The following MATR3 variants were observed in gnomAD, a reference collection of about 807,000 sequenced individuals.
MATR3 encodes matrin-3.
In MATR3, 4 loss-of-function variants were observed where a neutral mutation model predicts 85.5. That is an observed-to-expected ratio of 0.05 (90% CI 0.02 to 0.11). MATR3 has a LOEUF of 0.11. Among genes scored for constraint, MATR3 ranks in the 10% least tolerant of loss-of-function variants. MATR3 has a pLI of 1.00. For missense variants in MATR3, 685 were observed against 1,016.1 expected (o/e 0.67, Z 4.43); for synonymous variants, 336 against 343.1 (o/e 0.98, Z 0.23).
At chr5:139,322,094 CT>C in intron 10 of MATR3, 65 bp downstream of exon 10, 1 of 1,536,096 alleles carries the variant, frequency 6.5e-7, no homozygotes, top group African/African-American at 1.4e-5. Context: ...CCACAACATT[CT>C]TTTAAACATT....
intron 4 of MATR3, 156 bp from the exon 5 acceptor site, chr5:139,315,920 T>C (rs1051538790): frequency 1.3e-5 from 10 of 758,780 alleles, no homozygotes; most frequent in Admixed American, 6.9e-5. Context: ...TTGTATTCTT[T>C]TATTGTTAAT....
At chr5:139,274,356 C>T (rs553647308) in intron 1 of MATR3, 19 of 331,422 alleles carry the variant, frequency 5.7e-5, no homozygotes, top group South Asian at 4.7e-4. Flanking sequence ...CTTCCCTCTT[C>T]TCCCTAGGGA....
chr5:139,320,034 C>T (rs1295499692), intron 9 of MATR3, among the ~76,000 whole-genome samples: 3 of 145,916 alleles, frequency 2.1e-5, no homozygotes, highest in Non-Finnish European at 4.5e-5. Flanking sequence ...GTTAGCCAGT[C>T]GCAGTGGCTC....
chr5:139,319,219 C>T (rs1358067204), intron 8 of MATR3, 115 bp from the exon 9 acceptor site: 1 of 1,320,724 alleles, frequency 7.6e-7, no homozygotes, highest in African/African-American at 1.5e-5. Context: ...GCCTGGGCAA[C>T]ATAGCAAGAC....
Position 139,308,067 on chromosome 5 carries a change from G to C in MATR3, c.652G>C (p.Asp218His). Residue 218 changes from aspartate to histidine, a missense_variant, in exon 2 of 15, where the codon GAT becomes CAT. Physicochemically the swap from Asp to His is moderately conservative, Grantham distance 81. This residue lies in a region of MATR3 where 223 missense variants were observed against 334.4 expected (regional missense o/e 0.67). Transcript: ENST00000394805. ...AGAATCTGGTTATTATGACAGAATG[G>C]ATTATGAAGATGACAGATTAAGAGA... ...SQESGYYDRM[D>H]YEDDRLRDGE... The C allele has an allele frequency of 1.2e-6, 2 of 1,614,130 alleles. No individual in the cohort carries two copies. The highest frequency in any genetic ancestry group is 1.7e-6 in the Non-Finnish European group (2 of 1,180,016).
chr5:139,290,256 A>T (rs966261790), upstream of MATR3, among the ~76,000 whole-genome samples: 1 of 151,046 alleles, frequency 6.6e-6, no homozygotes, highest in Non-Finnish European at 1.5e-5. Context: ...GCTCACTGCA[A>T]CCTCAGCCTC....
Position 139,322,849 on chromosome 5 carries a change from A to G in MATR3, c.2030A>G (p.Asp677Gly), listed in dbSNP as rs1755646718. 6.2e-7 allele frequency: 1 copy of G among 1,614,214 alleles called. No individual in the cohort carries two copies. Among genetic ancestry groups the G allele is most frequent in the Non-Finnish European group, 8.5e-7 (1 of 1,180,032 alleles). ...ALLESGSSVG[D>G]ETDLANLGDV... ...CTAGAAAGTGGCAGTTCAGTGGGAG[A>G]CGAGACCGATCTTGCTAATTTAGGT... is the stretch of plus-strand genomic sequence containing the variant. Residue 677 changes from aspartate to glycine, a missense_variant, in exon 12 of 15, where the codon GAC becomes GGC. Physicochemically the swap from Asp to Gly is moderately conservative, Grantham distance 94. Coordinates refer to ENST00000394805, the MANE Select transcript of MATR3 (RefSeq NM_018834.6).
At chr5:139,328,198 T>C (rs927358228) in intron 14 of MATR3, among the ~76,000 whole-genome samples, 1 of 152,050 alleles carries the variant, frequency 6.6e-6, no homozygotes, top group African/African-American at 2.4e-5. Context: ...AAAAAAACTT[T>C]GTCACCTTCA....
intron 14 of MATR3, among the ~76,000 whole-genome samples, chr5:139,327,830 G>A (rs1407083867): frequency 3.3e-5 from 5 of 151,890 alleles, no homozygotes; most frequent in Admixed American, 3.3e-4. Context: ...GGTGCTTCTT[G>A]TGGCTCCTTT....
chr5:139,294,310 G>T (rs1020136358), intron 1 of MATR3, among the ~76,000 whole-genome samples: 4 of 152,170 alleles, frequency 2.6e-5, no homozygotes, highest in Non-Finnish European at 4.4e-5. Flanking sequence ...CAAATAACCC[G>T]TTCGCCTTTT....
At position 139,326,169 on chromosome 5, in the gene MATR3, A is replaced by C; in HGVS notation, c.2378A>C (p.Asp793Ala). Residue 793 changes from aspartate to alanine, a missense_variant, in exon 14 of 15, where the codon GAC (aspartate) becomes GCC (alanine). Physicochemically the swap from Asp to Ala is moderately radical, Grantham distance 126 (BLOSUM62 -2). Coordinates refer to ENST00000394805, the MANE Select transcript of MATR3 (RefSeq NM_018834.6). ...PYQPNVPVGI[D>A]YVIPKTGFYC... ...TGTATGTTTGTATTTCTAGGTATAG[A>C]CTATGTGATACCTAAAACAGGGTTT... 6.3e-7 allele frequency: 1 copy of C among 1,599,558 alleles called. No individual in the cohort carries two copies. Among genetic ancestry groups the C allele is most frequent in the Non-Finnish European group, 8.6e-7 (1 of 1,168,256 alleles).
At position 139,330,276 on chromosome 5, in the gene MATR3, A is replaced by G. The variant is rs1300491337; in HGVS notation, c.*881A>G. 2 of 453,588 alleles carry G rather than the reference A, an allele frequency of 4.4e-6. No homozygotes were observed. Among genetic ancestry groups the G allele is most frequent in the African/African-American group, 2.0e-5 (1 of 49,958 alleles). 28.1% of individuals were successfully genotyped at this position (453,588 alleles called of 1,614,324 possible). Reference sequence around the variant, plus strand: ...ACGCTTCTAATTCATGTACCTGCACATGTGACCTTTGTGAACAGAAATTTG... The same window carrying G: ...ACGCTTCTAATTCATGTACCTGCACGTGTGACCTTTGTGAACAGAAATTTG... On this transcript the variant is annotated 3_prime_UTR_variant, in exon 15 of 15. Coordinates refer to ENST00000394805, the MANE Select transcript of MATR3 (RefSeq NM_018834.6).
At chr5:139,291,450 C>A (rs922895179), upstream of MATR3, among the ~76,000 whole-genome samples, 1 of 152,182 alleles carries the variant, frequency 6.6e-6, no homozygotes, top group African/African-American at 2.4e-5. Context: ...GTATCACTGA[C>A]TAAATTAGAT....
At chr5:139,295,808 A>G (rs1040624490) in intron 1 of MATR3, among the ~76,000 whole-genome samples, 1 of 152,106 alleles carries the variant, frequency 6.6e-6, no homozygotes, top group African/African-American at 2.4e-5. Context: ...AGTGTGGTCT[A>G]CAGAGGTCTT....
At chr5:139,279,365 A>T (rs1753428086) in intron 3 of MATR3, 1 of 308,404 alleles carries the variant, frequency 3.2e-6, no homozygotes, top group Admixed American at 4.2e-5. Context: ...AGTAGCTGGG[A>T]CTACAGGCAC....
At chr5:139,314,908 T>C in intron 3 of MATR3, 172 bp downstream of exon 3, 1 of 613,050 alleles carries the variant, frequency 1.6e-6, no homozygotes, top group South Asian at 1.7e-5. Flanking sequence ...AAATTTCATA[T>C]TGAATATTAG....
At chr5:139,287,618 TAAA>T (rs139718775) in intron 3 of MATR3, among the ~76,000 whole-genome samples, 16 of 144,614 alleles carry the variant, frequency 1.1e-4, no homozygotes, top group South Asian at 4.4e-4. Flanking sequence ...ACTCCGTCTC[TAAA>T]AAAAAAAAAG....
intron 3 of MATR3, among the ~76,000 whole-genome samples, chr5:139,282,474 GT>G (rs1753566423): frequency 6.6e-6 from 1 of 152,112 alleles, no homozygotes; most frequent in Non-Finnish European, 1.5e-5. Flanking sequence ...CTTCTTAAGG[GT>G]GATATACTCA....
chr5:139,279,329 A>G, intron 3 of MATR3: 1 of 350,612 alleles, frequency 2.9e-6, no homozygotes, highest in Non-Finnish European at 5.6e-6. Context: ...CCTGGGTTCA[A>G]GCGATTCTCC....
Sources: allele counts gnomAD v4.1 joint callset (sites outside exome capture counted in the v4.1 genomes callset), GRCh38; gene constraint gnomAD v4.1.1; regional missense constraint gnomAD v4.1.1; transcripts MANE v1.5; gene names NCBI Gene and HGNC (gene_info 2026-07-23, HGNC 2026-07-21).